CDH7: variants seen among roughly 807,000 people sequenced by gnomAD.
The protein encoded by CDH7 is cadherin-7.
Under a neutral mutation model 71.8 loss-of-function variants are expected in CDH7, and 25 were observed. The ratio of observed to expected loss-of-function variants is 0.35; its 90% CI spans 0.25 to 0.49. The LOEUF (loss-of-function observed/expected upper bound fraction) is 0.49. Among genes scored for constraint, CDH7 ranks in the 20% least tolerant of loss-of-function variants. CDH7 has a pLI of 0.99. For synonymous variants in CDH7, 381 were observed against 363.8 expected (o/e 1.05, Z -0.54); for missense variants, 862 against 974.6 (o/e 0.88, Z 1.54).
At chr18:65,800,990 C>G (rs1911101656) in intron 2 of CDH7, among the ~76,000 whole-genome samples, 1 of 152,120 alleles carries the variant, frequency 6.6e-6, no homozygotes, top group Non-Finnish European at 1.5e-5. Flanking sequence ...CCGGGCTCAG[C>G]TTGGTTTTCC....
chr18:65,792,251 G>A lies in CDH7; in HGVS notation c.211-17453G>A, dbSNP rs1910741332. On this transcript the variant is annotated intron_variant, in intron 2 of 11. Transcript: ENST00000397968. ...AGGGAAGACATCTTAGAGAATTTGG[G>A]AAAGAGAAGAAGAAAAGGACAAAGG... 2.0e-5 allele frequency among the ~76,000 whole-genome samples: 3 copies of A among 148,482 alleles called. No homozygotes were observed. The South Asian group carries it at 6.4e-4, about 32-fold the overall frequency.
intron 11 of CDH7, among the ~76,000 whole-genome samples, chr18:65,866,580 T>G (rs1046978294): frequency 3.3e-5 from 5 of 152,144 alleles, no homozygotes; most frequent in Admixed American, 3.3e-4. Flanking sequence ...GTTCGAGGGT[T>G]TGTAGGAGTA....
Position 65,864,498 on chromosome 18 carries a change from A to G in CDH7, c.1864+1581A>G, listed in dbSNP as rs140472399. Among the ~76,000 whole-genome samples, 473 of 151,912 alleles carry G rather than the reference A, an allele frequency of 3.1e-3. 8 individuals are homozygous for G. The highest frequency in any genetic ancestry group is 0.011 in the African/African-American group (451 of 41,454). Reference sequence around the variant, plus strand: ...CTTCCAATGTGGTGCAGGGAGGCCAAAAAATTTAGATTTTGGAATCTAAAA... The same window carrying G: ...CTTCCAATGTGGTGCAGGGAGGCCAGAAAATTTAGATTTTGGAATCTAAAA... On this transcript the variant is annotated intron_variant, in intron 11 of 11. Transcript: ENST00000397968.
chr18:65,817,317 G>A (rs1911757165), intron 4 of CDH7, among the ~76,000 whole-genome samples: 1 of 152,014 alleles, frequency 6.6e-6, no homozygotes, highest in Admixed American at 6.6e-5. Flanking sequence ...CTACACGCCC[G>A]GTTCTCATTC....
Position 65,884,640 on chromosome 18 carries a change from C to T in CDH7, c.*3746C>T, listed in dbSNP as rs770696931. The T allele has an allele frequency of 4.9e-5, 7 of 142,564 alleles. No homozygotes were observed. The highest frequency in any genetic ancestry group is 7.6e-5 in the Non-Finnish European group (5 of 65,696). The allele number at this position is 142,564 out of a possible 1,614,324, so 8.8% of individuals were successfully genotyped here. A position where few individuals can be genotyped will look rare whatever the true frequency, so the allele number is the denominator to read the frequency against. On this transcript the variant is annotated 3_prime_UTR_variant, in exon 12 of 12. Transcript: ENST00000397968. ...GATATTTGTGAAGTGATCCACATGC[C>T]CAAGAAATGCAAATGCAAATAGTGT...
chr18:65,826,837 A>G (rs963519003), intron 6 of CDH7, among the ~76,000 whole-genome samples: 4 of 151,642 alleles, frequency 2.6e-5, no homozygotes, highest in Non-Finnish European at 4.4e-5. Flanking sequence ...AAATACAGAA[A>G]TAAGTCACAG....
chr18:65,773,750 T>G (rs1916616001), intron 2 of CDH7, among the ~76,000 whole-genome samples: 1 of 152,174 alleles, frequency 6.6e-6, no homozygotes. Flanking sequence ...AAAGGGATTG[T>G]GTCCAATCCA....
intron 11 of CDH7, among the ~76,000 whole-genome samples, chr18:65,877,080 T>A (rs1914093845): frequency 6.6e-6 from 1 of 152,232 alleles, no homozygotes; most frequent in Non-Finnish European, 1.5e-5. Flanking sequence ...GAACAGTTAA[T>A]TCTTGTTCTA....
At chr18:65,852,085 T>G (rs1913169722) in intron 7 of CDH7, among the ~76,000 whole-genome samples, 1 of 152,288 alleles carries the variant, frequency 6.6e-6, no homozygotes, top group East Asian at 1.9e-4. Flanking sequence ...TGGAGATGTG[T>G]GTGGTATATT....
At chr18:65,828,772 T>C (rs1312040730) in intron 6 of CDH7, among the ~76,000 whole-genome samples, 1 of 152,154 alleles carries the variant, frequency 6.6e-6, no homozygotes, top group Non-Finnish European at 1.5e-5. Context: ...TCTCAGCAAT[T>C]ATTTTATTAA....
chr18:65,841,371 A>G (rs2143984079), intron 6 of CDH7, among the ~76,000 whole-genome samples: 1 of 152,326 alleles, frequency 6.6e-6, no homozygotes, highest in African/African-American at 2.4e-5. Flanking sequence ...GAATACAGAA[A>G]TACTTGGTAT....
intron 2 of CDH7, among the ~76,000 whole-genome samples, chr18:65,770,587 T>A (rs2143805896): frequency 6.6e-6 from 1 of 152,338 alleles, no homozygotes; most frequent in Non-Finnish European, 1.5e-5. Context: ...ATATTCCTGT[T>A]GCCTAGTCAG....
chr18:65,817,874 G>A (rs1214325713), intron 4 of CDH7, among the ~76,000 whole-genome samples: 2 of 152,166 alleles, frequency 1.3e-5, no homozygotes, highest in Non-Finnish European at 2.9e-5. Flanking sequence ...AAGCAAGCCT[G>A]AAACATTTGT....
chr18:65,828,407 T>A (rs1484695), intron 6 of CDH7, among the ~76,000 whole-genome samples: 100,003 of 151,884 alleles, frequency 0.66, 33,733 homozygotes, highest in East Asian at 0.97. Context: ...TATATGGATT[T>A]TTTTCTATAA....
chr18:65,807,653 C>T (rs972318198), intron 2 of CDH7, among the ~76,000 whole-genome samples: 11 of 152,154 alleles, frequency 7.2e-5, no homozygotes, highest in African/African-American at 1.7e-4. Flanking sequence ...GAGCGTTAAG[C>T]GGCCCGGGGA....
intron 2 of CDH7, among the ~76,000 whole-genome samples, chr18:65,794,755 TG>T (rs1481244496): frequency 6.6e-6 from 1 of 151,858 alleles, no homozygotes; most frequent in African/African-American, 2.4e-5. Context: ...CAGGGCGGTG[TG>T]GGGGGTGAGA....
At chr18:65,829,118 G>GTTTTGTTTTGTTTTTCT (rs6146352) in intron 6 of CDH7, among the ~76,000 whole-genome samples, 1 of 149,920 alleles carries the variant, frequency 6.7e-6, no homozygotes, top group African/African-American at 2.4e-5. Flanking sequence ...TGTCATTTTT[G>GTTTTGTTTTGTTTTTCT]TTTTGTTTTG....
At chr18:65,807,427 C>T (rs796351449) in intron 2 of CDH7, among the ~76,000 whole-genome samples, 7 of 152,284 alleles carry the variant, frequency 4.6e-5, no homozygotes, top group African/African-American at 1.7e-4. Flanking sequence ...ATCATAAGAG[C>T]TTGTTCTGTA....
Position 65,888,067 on chromosome 18 carries a change from C to T in CDH7, c.*7173C>T, listed in dbSNP as rs771478920. On this transcript the variant is annotated 3_prime_UTR_variant, in exon 12 of 12. Coordinates refer to ENST00000397968, the MANE Select transcript of CDH7 (RefSeq NM_004361.5). ...TTAACCTTGGAAATGAGACATGAAG[C>T]ATAAAACCTGGGGTCAGGATGTATG... 5 of 152,098 alleles carry T rather than the reference C, an allele frequency of 3.3e-5. No homozygotes were observed. The highest frequency in any genetic ancestry group is 5.9e-5 in the Non-Finnish European group (4 of 68,000). The allele number at this position is 152,098 out of a possible 1,614,324, so 9.4% of individuals were successfully genotyped here. A position where few individuals can be genotyped will look rare whatever the true frequency, so the allele number is the denominator to read the frequency against.
Sources: allele counts gnomAD v4.1 joint callset (sites outside exome capture counted in the v4.1 genomes callset), GRCh38; gene constraint gnomAD v4.1.1; transcripts MANE v1.5; gene names NCBI Gene and HGNC (gene_info 2026-07-23, HGNC 2026-07-21).